The following TIMD4 variants were observed in gnomAD, a reference collection of about 807,000 sequenced individuals.
TIMD4 encodes the protein T cell immunoglobulin and mucin domain containing 4.
A neutral mutation model predicts 41.2 loss-of-function variants in TIMD4; 31 were observed. That is an observed-to-expected ratio of 0.75 (90% CI 0.57 to 1.01). The LOEUF (loss-of-function observed/expected upper bound fraction) is 1.01, where lower values mean the gene tolerates loss of function less well. Among genes scored for constraint, TIMD4 ranks in the 50% least tolerant of loss-of-function variants. TIMD4 has a pLI of 0.00. For synonymous variants in TIMD4, 204 were observed against 177.1 expected (o/e 1.15, Z -1.21); for missense variants, 479 against 472.5 (o/e 1.01, Z -0.13).
intron 2 of TIMD4, among the ~76,000 whole-genome samples, chr5:156,952,756 C>T (rs1055204980): frequency 1.3e-5 from 2 of 152,174 alleles, no homozygotes; most frequent in Non-Finnish European, 2.9e-5. Flanking sequence ...CTGTTTATCC[C>T]GTTAAACTTT....
chr5:156,919,632 T>C, intron 8 of TIMD4, 91 bp from the exon 9 acceptor site: 2 of 1,036,282 alleles, frequency 1.9e-6, no homozygotes, highest in Admixed American at 2.0e-5. Flanking sequence ...GCAATTACCC[T>C]TAAAGTTCAA....
intron 1 of TIMD4, among the ~76,000 whole-genome samples, chr5:156,955,632 G>T (rs1046670378): frequency 2.0e-5 from 3 of 151,842 alleles, no homozygotes; most frequent in Admixed American, 2.0e-4. Flanking sequence ...CTCCAGCCTG[G>T]GCAACAAAGT....
chr5:156,941,420 C>T (rs972271751), intron 5 of TIMD4, among the ~76,000 whole-genome samples: 2 of 152,186 alleles, frequency 1.3e-5, no homozygotes, highest in Admixed American at 6.5e-5. Flanking sequence ...CCATTACCAG[C>T]TTCCTATCTC....
intron 2 of TIMD4, among the ~76,000 whole-genome samples, chr5:156,953,508 A>G (rs1417820963): frequency 5.9e-5 from 9 of 152,032 alleles, no homozygotes; most frequent in Non-Finnish European, 1.2e-4. Context: ...ATACAAAATT[A>G]GCTGGGTGTG....
At chr5:156,942,901 C>A (rs775200916) in intron 5 of TIMD4, among the ~76,000 whole-genome samples, 2 of 152,064 alleles carry the variant, frequency 1.3e-5, no homozygotes, top group African/African-American at 4.8e-5. Context: ...GGAATAAAAC[C>A]AATAATTGAG....
intron 4 of TIMD4, among the ~76,000 whole-genome samples, chr5:156,949,114 A>G (rs1014300530): frequency 9.9e-5 from 15 of 152,190 alleles, no homozygotes; most frequent in African/African-American, 3.6e-4. Flanking sequence ...CGTGATGCCA[A>G]TCGTGTCTTA....
rs1759451930 is a variant in TIMD4 at position 156,932,018 on chromosome 5, CTTAGT to C, written c.845-5711_845-5707del. 1.4e-5 allele frequency among the ~76,000 whole-genome samples: 2 copies of C among 147,188 alleles called. 1 individual carries two copies. Among genetic ancestry groups the C allele is most frequent in the African/African-American group, 5.3e-5 (2 of 37,922 alleles). ...TCTTTTAAAAGGATATAAAACTACG[CTTAGT>C]ATAGGGAATGAGTATGCAAATACTT... is the stretch of plus-strand genomic sequence containing the variant. On this transcript the variant is annotated intron_variant, in intron 5 of 8. Transcript: ENST00000274532.
chr5:156,961,808 CAAAAAAAAAAAAAAAAAA>C (rs71578911), intron 1 of TIMD4, among the ~76,000 whole-genome samples: 636 of 28,000 alleles, frequency 0.023, 16 homozygotes, highest in African/African-American at 0.049. Context: ...GACTCCGTCT[CAAAAAAAAAAAAAAAAAA>C]AAAAAAAAAA....
intron 5 of TIMD4, among the ~76,000 whole-genome samples, chr5:156,942,753 T>C (rs1759671091): frequency 6.6e-6 from 1 of 152,196 alleles, no homozygotes. Flanking sequence ...AGCATTAGAA[T>C]GGCAAACTGG....
At chr5:156,930,150 C>T (rs185702431) in intron 5 of TIMD4, among the ~76,000 whole-genome samples, 125 of 152,122 alleles carry the variant, frequency 8.2e-4, no homozygotes, top group South Asian at 1.9e-3. Context: ...TTAGTAGAGA[C>T]AGGGTCTTGC....
intron 5 of TIMD4, among the ~76,000 whole-genome samples, chr5:156,926,578 C>T (rs1189613996): frequency 6.6e-6 from 1 of 152,174 alleles, no homozygotes. Flanking sequence ...GCAATTGGCT[C>T]TAATTTTTCT....
intron 1 of TIMD4, 21 bp downstream of exon 1, chr5:156,963,120 A>G: frequency 6.2e-7 from 1 of 1,612,970 alleles, no homozygotes; most frequent in Non-Finnish European, 8.5e-7. Flanking sequence ...ACTTCTACAT[A>G]GAAGGTTTCA....
chr5:156,951,823 G>A (rs773378167), intron 2 of TIMD4, 33 bp from the exon 3 acceptor site: 1 of 1,611,082 alleles, frequency 6.2e-7, no homozygotes, highest in Non-Finnish European at 8.5e-7. Context: ...TTGGCACCAA[G>A]CGGAGATGGA....
intron 6 of TIMD4, among the ~76,000 whole-genome samples, chr5:156,923,324 T>C (rs1759286239): frequency 6.6e-6 from 1 of 151,882 alleles, no homozygotes; most frequent in South Asian, 2.1e-4. Flanking sequence ...AATTTTTTTG[T>C]TTTTAGTACA....
chr5:156,954,311 A>T, intron 2 of TIMD4, 104 bp downstream of exon 2: 1 of 1,089,064 alleles, frequency 9.2e-7, no homozygotes, highest in Non-Finnish European at 1.3e-6. Flanking sequence ...CTTCCCACTC[A>T]CTGTGAAAGC....
chr5:156,932,773 G>A (rs910507142), intron 5 of TIMD4, among the ~76,000 whole-genome samples: 7 of 152,122 alleles, frequency 4.6e-5, no homozygotes, highest in African/African-American at 1.7e-4. Context: ...TTGGGAGGCC[G>A]AGGCGGATGG....
chr5:156,961,833 A>G (rs1367876615), intron 1 of TIMD4, among the ~76,000 whole-genome samples: 5 of 146,810 alleles, frequency 3.4e-5, no homozygotes, highest in African/African-American at 7.6e-5. Flanking sequence ...AAAAAAAAAA[A>G]AAAGAAAGAA....
chr5:156,936,755 A>G (rs1759546245), intron 5 of TIMD4, among the ~76,000 whole-genome samples: 1 of 151,792 alleles, frequency 6.6e-6, no homozygotes, highest in Admixed American at 6.6e-5. Context: ...CGTCTCTACA[A>G]AAGTACAAAA....
chr5:156,922,456 T>G, intron 6 of TIMD4, among the ~76,000 whole-genome samples: 1 of 152,216 alleles, frequency 6.6e-6, no homozygotes, highest in East Asian at 1.9e-4. Flanking sequence ...AAATAACTGT[T>G]GTGAGCTGTG....
Sources: gnomAD v4.1 joint callset for allele counts (sites outside exome capture counted in the v4.1 genomes callset) on GRCh38, gnomAD v4.1.1 for gene constraint, MANE v1.5 for transcripts, NCBI Gene and HGNC (gene_info 2026-07-23, HGNC 2026-07-21) for gene names.